SLC43A2: variants seen among roughly 807,000 people sequenced by gnomAD.
SLC43A2 encodes large neutral amino acids transporter small subunit 4.
In SLC43A2, 38 loss-of-function variants were observed where a neutral mutation model predicts 63.2. The ratio of observed to expected loss-of-function variants is 0.60; its 90% CI spans 0.46 to 0.79. The LOEUF (loss-of-function observed/expected upper bound fraction) is 0.79. SLC43A2 is among the 30% of genes least tolerant of loss of function. The pLI is 0.00. For synonymous variants in SLC43A2, 322 were observed against 331.0 expected (o/e 0.97, Z 0.30); for missense variants, 644 against 756.2 (o/e 0.85, Z 1.74).
At chr17:1,603,565 C>T (rs879410270) in intron 5 of SLC43A2, among the ~76,000 whole-genome samples, 7 of 151,988 alleles carry the variant, frequency 4.6e-5, no homozygotes, top group African/African-American at 7.3e-5. Context: ...CAGGGGATCA[C>T]CTGAGGTCAG....
Position 1,593,238 on chromosome 17 carries a change from G to A in SLC43A2, c.543C>T (p.Ala181=), listed in dbSNP as rs1212860420. The change falls in exon 6 of 14, where the codon GCC becomes GCT. Residue 181 remains alanine, a synonymous_variant. Transcript: ENST00000301335. The surrounding 1 kb of genome is among the most constrained non-coding windows in gnomAD (Gnocchi z 5.3). ...AGGAGGCGTAGGACCCAATCATCAA[G>A]GCAATAAACGTGGACCGAAGGTCGC... ...MFGDLRSTFI[A]LMIGSYASSA... The A allele has an allele frequency of 6.2e-7, 1 of 1,613,968 alleles. No homozygotes were observed. The highest frequency in any genetic ancestry group is 8.5e-7 in the Non-Finnish European group (1 of 1,180,006).
chr17:1,591,734 A>AGGGGGGGGGGGGGGGGGGGGGGGGGGGG lies in SLC43A2; in HGVS notation c.595-36_595-35insCCCCCCCCCCCCCCCCCCCCCCCCCCCC. The AGGGGGGGGGGGGGGGGGGGGGGGGGGGG allele has an allele frequency of 1.4e-5, 4 of 293,096 alleles. 1 individual carries two copies. The highest frequency in any genetic ancestry group is 2.7e-5 in the Non-Finnish European group (4 of 146,388). 18.2% of individuals were successfully genotyped at this position (293,096 alleles called of 1,614,324 possible). A position where few individuals can be genotyped will look rare whatever the true frequency, so the allele number is the denominator to read the frequency against. On this transcript the variant is annotated intron_variant, in intron 6 of 13. Transcript: ENST00000301335. The stretch of plus-strand genomic sequence containing the variant: ...ACCGCGGGGACGGGGTGGGGGGGGG[A>AGGGGGGGGGGGGGGGGGGGGGGGGGGGG]GGGGGCAGAGTTAGCCCGGGGAGGC...
chr17:1,629,356 G>C (rs535474663), upstream of SLC43A2, among the ~76,000 whole-genome samples: 1 of 151,220 alleles, frequency 6.6e-6, no homozygotes, highest in Non-Finnish European at 1.5e-5. Context: ...CGTCCCCGCC[G>C]CCTCGGGCTT....
At chr17:1,597,981 A>G (rs1001928048) in intron 5 of SLC43A2, among the ~76,000 whole-genome samples, 2 of 152,170 alleles carry the variant, frequency 1.3e-5, no homozygotes, top group South Asian at 4.1e-4. Flanking sequence ...CCAAGCTCAC[A>G]TATTTGGGCT....
At chr17:1,591,002 G>GTGGT in intron 8 of SLC43A2, 54 bp from the exon 9 acceptor site, 1 of 1,512,482 alleles carries the variant, frequency 6.6e-7, no homozygotes, top group Non-Finnish European at 9.0e-7. Context: ...CCCACCACCG[G>GTGGT]GGGGACACGC....
intron 9 of SLC43A2, chr17:1,586,889 A>G (rs2076110125): frequency 6.6e-7 from 1 of 1,523,420 alleles, no homozygotes; most frequent in Admixed American, 2.0e-5. Context: ...GGTTGAACAG[A>G]GACTGGCTGG....
At chr17:1,587,957 T>C (rs6502802) in intron 9 of SLC43A2, among the ~76,000 whole-genome samples, 82,777 of 151,796 alleles carry the variant, frequency 0.55, 24,319 homozygotes, top group East Asian at 0.82. Context: ...TGGACTGTTT[T>C]CCCCCCTTAA....
Position 1,627,885 on chromosome 17 carries a change from G to A in SLC43A2, c.-11C>T, listed in dbSNP as rs1908829839. ...CAGGGTGGGCGCCATGGTGCGGCGC[G>A]GCGCGGCTCCGGCTCCGGCTCCGGC... On this transcript the variant is annotated 5_prime_UTR_variant, in exon 2 of 14. Coordinates refer to ENST00000301335, the MANE Select transcript of SLC43A2 (RefSeq NM_152346.3). 2 of 1,550,446 alleles carry A rather than the reference G, an allele frequency of 1.3e-6. No homozygotes were observed. The highest frequency in any genetic ancestry group is 8.7e-7 in the Non-Finnish European group (1 of 1,148,630).
chr17:1,614,166 C>A (rs796078246), intron 4 of SLC43A2, among the ~76,000 whole-genome samples: 2 of 152,210 alleles, frequency 1.3e-5, no homozygotes, highest in African/African-American at 4.8e-5. Flanking sequence ...TGGCGTGAAC[C>A]CGGGAGGTGG....
intron 5 of SLC43A2, among the ~76,000 whole-genome samples, chr17:1,598,162 C>T (rs1905511292): frequency 6.6e-6 from 1 of 152,238 alleles, no homozygotes; most frequent in South Asian, 2.1e-4. Context: ...GTGGCTCACG[C>T]CTGTAATCCC....
rs773747931 is a variant in SLC43A2, at chr17:1,581,455, C to T, written c.1350+1749G>A. Among the ~76,000 whole-genome samples, 32 of 152,186 alleles carry T rather than the reference C, an allele frequency of 2.1e-4. 1 individual carries two copies. The highest frequency in any genetic ancestry group is 3.9e-4 in the Admixed American group (6 of 15,266). On this transcript the variant is annotated intron_variant, in intron 11 of 13. Transcript: ENST00000301335. The stretch of plus-strand genomic sequence containing the variant: ...GGGCCGGCACAAATGTTCCACGGCC[C>T]GCTGCGCTCTGCACGCCCAGTGTTG...
upstream of SLC43A2, chr17:1,628,875 A>G (rs1298035265): frequency 2.0e-5 from 3 of 152,026 alleles, no homozygotes; most frequent in Admixed American, 6.6e-5. Flanking sequence ...CGACCCCAAG[A>G]AGAAAACACT....
intron 5 of SLC43A2, among the ~76,000 whole-genome samples, chr17:1,602,907 C>T (rs1169326707): frequency 2.6e-5 from 4 of 151,168 alleles, no homozygotes; most frequent in East Asian, 2.0e-4. Flanking sequence ...TACAGGCACC[C>T]GCCACCACAC....
At chr17:1,613,165 A>G (rs1907284155) in intron 5 of SLC43A2, 30 bp downstream of exon 5, 3 of 1,576,582 alleles carry the variant, frequency 1.9e-6, no homozygotes, top group African/African-American at 1.3e-5. Context: ...AGATTACTGA[A>G]CTACAGAGCT....
chr17:1,587,092 G>GTTTCCCGCACTGCT, intron 9 of SLC43A2: 1 of 1,062,650 alleles, frequency 9.4e-7, no homozygotes, highest in Non-Finnish European at 1.4e-6. Flanking sequence ...CCCACACTGC[G>GTTTCCCGCACTGCT]TTTCCCGCAC....
intron 9 of SLC43A2, among the ~76,000 whole-genome samples, chr17:1,589,008 CCTGCAGCTGCCTCTCGGCCGGAGCTAGGG>C (rs1904495153): frequency 1.3e-5 from 2 of 152,198 alleles, no homozygotes; most frequent in Non-Finnish European, 2.9e-5. Flanking sequence ...TGACCCGGAC[CCTGCAGCTGCCTCTCGGCCGGAGCTAGGG>C]CTATGGGTGT....
At chr17:1,586,729 C>T (rs1011624497) in intron 9 of SLC43A2, among the ~76,000 whole-genome samples, 7 of 152,098 alleles carry the variant, frequency 4.6e-5, no homozygotes, top group Non-Finnish European at 7.4e-5. Flanking sequence ...GCACCGCTCA[C>T]GGGGCTCTGA....
At chr17:1,582,412 C>G (rs1375292940) in intron 11 of SLC43A2, among the ~76,000 whole-genome samples, 2 of 152,206 alleles carry the variant, frequency 1.3e-5, no homozygotes, top group Non-Finnish European at 2.9e-5. Flanking sequence ...AAGCCACCAT[C>G]AAGGTCTTCC....
chr17:1,581,460 C>A (rs375888854), intron 11 of SLC43A2, among the ~76,000 whole-genome samples: 1 of 152,218 alleles, frequency 6.6e-6, no homozygotes, highest in African/African-American at 2.4e-5. Context: ...CGGCCCGCTG[C>A]GCTCTGCACG....
Sources: allele counts gnomAD v4.1 joint callset (sites outside exome capture counted in the v4.1 genomes callset), GRCh38; gene constraint gnomAD v4.1.1; non-coding constraint Gnocchi (gnomAD v3.1); transcripts MANE v1.5; gene names NCBI Gene and HGNC (gene_info 2026-07-23, HGNC 2026-07-21).